The following GPR157 variants were observed in gnomAD, a reference collection of about 807,000 sequenced individuals.
GPR157 encodes the protein G protein-coupled receptor 157.
Under a neutral mutation model 23.5 loss-of-function variants are expected in GPR157, and 16 were observed. The observed-to-expected ratio is 0.68, with a 90% confidence interval of 0.46 to 1.04. The LOEUF (loss-of-function observed/expected upper bound fraction) is 1.04, where lower values mean the gene tolerates loss of function less well. Among genes scored for constraint, GPR157 ranks in the 50% least tolerant of loss-of-function variants. The probability of loss-of-function intolerance (pLI) is 0.00; values close to 1 mark genes in which losing one functional copy is unlikely to be tolerated. For synonymous variants in GPR157, 200 were observed against 221.5 expected, an observed-to-expected ratio of 0.90 and a Z score of 0.86; for missense variants, 440 against 460.7, an observed-to-expected ratio of 0.96 and a Z score of 0.41.
At position 9,100,438 on chromosome 1, in the gene GPR157, T is replaced by C. The variant is rs1319905237; in HGVS notation, c.*3981A>G. 1 of 152,236 alleles carries C rather than the reference T, an allele frequency of 6.6e-6. No individual in the cohort carries two copies. Among genetic ancestry groups the C allele is most frequent in the African/African-American group, 2.4e-5 (1 of 41,462 alleles). 9.4% of individuals were successfully genotyped at this position (152,236 alleles called of 1,614,324 possible). A position where few individuals can be genotyped will look rare whatever the true frequency, so the allele number is the denominator to read the frequency against. On this transcript the variant is annotated 3_prime_UTR_variant, in exon 4 of 4. Coordinates refer to ENST00000377411, the MANE Select transcript of GPR157 (RefSeq NM_024980.5). ...GCCACAACTAGAAGTTTGTAAAAAC[T>C]ATTTTTCTTGTCGTGGACACGTGAA...
intron 1 of GPR157, 124 bp from the exon 2 acceptor site, chr1:9,111,613 A>G (rs548092528): frequency 2.8e-6 from 2 of 711,620 alleles, no homozygotes; most frequent in African/African-American, 1.8e-5. Flanking sequence ...TGGATGGCAC[A>G]GTGGCCCTGG....
intron 1 of GPR157, among the ~76,000 whole-genome samples, chr1:9,124,593 A>G (rs993534008): frequency 2.0e-5 from 3 of 152,104 alleles, no homozygotes; most frequent in Non-Finnish European, 4.4e-5. Flanking sequence ...CCTCACCTAT[A>G]AACACCCCAC....
chr1:9,119,055 G>A (rs1638746319), intron 1 of GPR157, among the ~76,000 whole-genome samples: 1 of 143,152 alleles, frequency 7.0e-6, no homozygotes, highest in Admixed American at 7.1e-5. Flanking sequence ...TTTTTGAGAT[G>A]GAATCTCACT....
At chr1:9,121,806 T>C (rs1352725234) in intron 1 of GPR157, among the ~76,000 whole-genome samples, 1 of 151,738 alleles carries the variant, frequency 6.6e-6, no homozygotes, top group African/African-American at 2.4e-5. Context: ...CCCTAGAGGG[T>C]GGATGAACGT....
chr1:9,115,013 G>A (rs1417332159), intron 1 of GPR157, among the ~76,000 whole-genome samples: 1 of 152,096 alleles, frequency 6.6e-6, no homozygotes, highest in Admixed American at 6.5e-5. Flanking sequence ...GCTGTGTGAG[G>A]GCCAGAAGCT....
chr1:9,126,434 A>G (rs1475695542), intron 1 of GPR157, among the ~76,000 whole-genome samples: 2 of 152,214 alleles, frequency 1.3e-5, no homozygotes, highest in Non-Finnish European at 2.9e-5. Context: ...AAACAATTCA[A>G]TTCCTAAACG....
chr1:9,127,059 A>C (rs1638977224), intron 1 of GPR157, among the ~76,000 whole-genome samples: 1 of 151,858 alleles, frequency 6.6e-6, no homozygotes, highest in African/African-American at 2.4e-5. Context: ...CTAATTTTTA[A>C]ATTTTTAGTA....
Position 9,104,371 on chromosome 1 carries a change from A to C in GPR157, c.*48T>G. 7.1e-7 allele frequency: 1 copy of C among 1,406,634 alleles called. No individual in the cohort carries two copies. The allele number at this position is 1,406,634 out of a possible 1,614,324, so 87.1% of individuals were successfully genotyped here. ...GCAGCAGGGACTCACAGAAGTGCCTACCCCCAGGAAGGCAGCACCTATGCA... is the reference window on the plus strand; with the variant it reads ...GCAGCAGGGACTCACAGAAGTGCCTCCCCCCAGGAAGGCAGCACCTATGCA... On this transcript the variant is annotated 3_prime_UTR_variant, in exon 4 of 4. Transcript: ENST00000377411.
chr1:9,123,192 T>TATATATAA lies in GPR157; in HGVS notation c.383+5452_383+5453insTTATATAT, dbSNP rs1389305702. On this transcript the variant is annotated intron_variant, in intron 1 of 3. Coordinates refer to ENST00000377411, the MANE Select transcript of GPR157 (RefSeq NM_024980.5). ...AAAAAAAAATATATATATATATATA[T>TATATATAA]AAATAAAATTTATATATATATTTAT... Among the ~76,000 whole-genome samples, 2 of 127,218 alleles carry TATATATAA rather than the reference T, an allele frequency of 1.6e-5. 1 individual carries two copies. Among genetic ancestry groups the TATATATAA allele is most frequent in the African/African-American group, 6.1e-5 (2 of 32,668 alleles). The allele number at this position is 127,218 out of a possible 152,430, so 83.5% of individuals were successfully genotyped here. A position where few individuals can be genotyped will look rare whatever the true frequency, so the allele number is the denominator to read the frequency against.
intron 1 of GPR157, among the ~76,000 whole-genome samples, chr1:9,126,743 G>A (rs899844000): frequency 1.3e-5 from 2 of 152,258 alleles, no homozygotes; most frequent in African/African-American, 2.4e-5. Context: ...TTAGACTAGC[G>A]AAGTCTGAGT....
intron 2 of GPR157, among the ~76,000 whole-genome samples, chr1:9,106,245 CTTCTGCCACT>C (rs1307302321): frequency 1.3e-5 from 2 of 152,302 alleles, no homozygotes; most frequent in East Asian, 3.9e-4. Context: ...CTTCTGCCAC[CTTCTGCCACT>C]GCCCCCGTGT....
rs1642598684 is a variant in GPR157 at position 9,103,800 on chromosome 1, GC to G, written c.*618del. ...AGCCCATGGAGGGAGAGGCCAGGAG[GC>G]CCGGGGAGACTGCTGTCCCTGAGCA... is the stretch of plus-strand genomic sequence containing the variant. On this transcript the variant is annotated 3_prime_UTR_variant, in exon 4 of 4. Transcript: ENST00000377411. 1 of 152,592 alleles carries G rather than the reference GC, an allele frequency of 6.6e-6. No homozygotes were observed. The highest frequency in any genetic ancestry group is 6.5e-5 in the Admixed American group (1 of 15,320). 9.5% of individuals were successfully genotyped at this position (152,592 alleles called of 1,614,324 possible). A position where few individuals can be genotyped will look rare whatever the true frequency, so the allele number is the denominator to read the frequency against.
rs1051634135 is a variant in GPR157, at chr1:9,102,664, T to C, written c.*1755A>G. 24 of 152,172 alleles carry C rather than the reference T, an allele frequency of 1.6e-4. No individual in the cohort carries two copies. Among genetic ancestry groups the C allele is most frequent in the African/African-American group, 5.8e-4 (24 of 41,434 alleles). 9.4% of individuals were successfully genotyped at this position (152,172 alleles called of 1,614,324 possible). A position where few individuals can be genotyped will look rare whatever the true frequency, so the allele number is the denominator to read the frequency against. On this transcript the variant is annotated 3_prime_UTR_variant, in exon 4 of 4. Transcript: ENST00000377411. ...AGGGAAATCACCTATCAGGTAAAGC[T>C]GTACTTTCTCTCACCAAGACCCTGG...
At chr1:9,113,489 G>C (rs1638559151) in intron 1 of GPR157, among the ~76,000 whole-genome samples, 1 of 152,200 alleles carries the variant, frequency 6.6e-6, no homozygotes, top group Non-Finnish European at 1.5e-5. Flanking sequence ...TTCCAGAACA[G>C]AGGGGCCCTG....
chr1:9,104,370 T>C lies in GPR157; in HGVS notation c.*49A>G. 7.0e-7 allele frequency: 1 copy of C among 1,430,510 alleles called. No homozygotes were observed. The highest frequency in any genetic ancestry group is 9.8e-7 in the Non-Finnish European group (1 of 1,019,636). The allele number at this position is 1,430,510 out of a possible 1,614,324, so 88.6% of individuals were successfully genotyped here. A position where few individuals can be genotyped will look rare whatever the true frequency, so the allele number is the denominator to read the frequency against. On this transcript the variant is annotated 3_prime_UTR_variant, in exon 4 of 4. Transcript: ENST00000377411. Reference sequence around the variant, plus strand: ...TGCAGCAGGGACTCACAGAAGTGCCTACCCCCAGGAAGGCAGCACCTATGC... The same window carrying C: ...TGCAGCAGGGACTCACAGAAGTGCCCACCCCCAGGAAGGCAGCACCTATGC...
chr1:9,105,978 G>A lies in GPR157; in HGVS notation c.598-298C>T, dbSNP rs952904403. Reference sequence around the variant, plus strand: ...AGCTCATGGAAACAACAGCTTTCTCGTTGCCCAGGCCAAAGCCTTGGGGCT... The same window carrying A: ...AGCTCATGGAAACAACAGCTTTCTCATTGCCCAGGCCAAAGCCTTGGGGCT... On this transcript the variant is annotated intron_variant, in intron 2 of 3. Transcript: ENST00000377411. The surrounding 1 kb of genome is among the most constrained non-coding windows in gnomAD (Gnocchi z 4.8). 1.3e-5 allele frequency among the ~76,000 whole-genome samples: 2 copies of A among 152,118 alleles called. No individual in the cohort carries two copies. Among genetic ancestry groups the A allele is most frequent in the African/African-American group, 2.4e-5 (1 of 41,414 alleles).
At position 9,105,078 on chromosome 1, in the gene GPR157, C is replaced by T. The variant is rs1638260180; in HGVS notation, c.792+408G>A. Among the ~76,000 whole-genome samples, 1 of 148,674 alleles carries T rather than the reference C, an allele frequency of 6.7e-6. No homozygotes were observed. The highest frequency in any genetic ancestry group is 1.5e-5 in the Non-Finnish European group (1 of 67,560). On this transcript the variant is annotated intron_variant, in intron 3 of 3. Coordinates refer to ENST00000377411, the MANE Select transcript of GPR157 (RefSeq NM_024980.5). This position sits in a 1 kb window ranked among gnomAD's most constrained non-coding sequence, Gnocchi z 4.8. ...ACACACACACACACACATGCATACA[C>T]ACATGCATACATGCACACACATGGG...
intron 1 of GPR157, among the ~76,000 whole-genome samples, chr1:9,117,820 C>T (rs1638716606): frequency 6.6e-6 from 1 of 152,116 alleles, no homozygotes; most frequent in South Asian, 2.1e-4. Flanking sequence ...AAAACCCCCA[C>T]AGTTCTGACA....
In GPR157 at chr1:9,105,382, G is replaced by A; in HGVS notation, c.792+104C>T. 2.8e-6 allele frequency: 3 copies of A among 1,055,966 alleles called. No individual in the cohort carries two copies. The highest frequency in any genetic ancestry group is 2.6e-5 in the East Asian group (1 of 37,832). The allele number at this position is 1,055,966 out of a possible 1,614,324, so 65.4% of individuals were successfully genotyped here. A position where few individuals can be genotyped will look rare whatever the true frequency, so the allele number is the denominator to read the frequency against. On this transcript the variant is annotated intron_variant, in intron 3 of 3. Coordinates refer to ENST00000377411, the MANE Select transcript of GPR157 (RefSeq NM_024980.5). This position sits in a 1 kb window ranked among gnomAD's most constrained non-coding sequence, Gnocchi z 4.8. ...TGGGGCCGAGCTCCTCCCTGCAGCT[G>A]TGCCTTGGCCGACACTGGGGTGCAG... is the stretch of plus-strand genomic sequence containing the variant.
Sources: allele counts gnomAD v4.1 joint callset (sites outside exome capture counted in the v4.1 genomes callset), GRCh38; gene constraint gnomAD v4.1.1; non-coding constraint Gnocchi (gnomAD v3.1); transcripts MANE v1.5; gene names NCBI Gene and HGNC (gene_info 2026-07-23, HGNC 2026-07-21).